RPS3: variants seen among roughly 807,000 people sequenced by gnomAD.
The protein encoded by RPS3 is ribosomal protein S3.
RPS3 carries 2 observed loss-of-function variants against 25.8 expected under a neutral mutation model. The ratio of observed to expected loss-of-function variants is 0.08; its 90% CI spans 0.03 to 0.24. RPS3 has a LOEUF of 0.24. Ranked by LOEUF, RPS3 falls within the 10% of genes least tolerant of loss-of-function variation. The pLI is 1.00. For synonymous variants in RPS3, 114 were observed against 114.2 expected (o/e 1.00, Z 0.01); for missense variants, 107 against 307.1 (o/e 0.35, Z 4.87).
In RPS3 at chr11:75,405,938, T is replaced by C. The variant is rs1948282368; in HGVS notation, c.*328T>C. The C allele has an allele frequency of 9.5e-6, 2 of 210,544 alleles. No homozygotes were observed. The highest frequency in any genetic ancestry group is 4.6e-5 in the African/African-American group (2 of 43,180). 13.0% of individuals were successfully genotyped at this position (210,544 alleles called of 1,614,324 possible). On this transcript the variant is annotated 3_prime_UTR_variant, in exon 7 of 7. Coordinates refer to ENST00000531188, the MANE Select transcript of RPS3 (RefSeq NM_001005.5). ...TAGAAGAGGGATATGTTTGAGTTTT[T>C]CCTATGCATAAGGCGATCCACGTTG...
chr11:75,417,633 G>A (rs1169669156), intron 6 of RPS3, among the ~76,000 whole-genome samples: 1 of 152,178 alleles, frequency 6.6e-6, no homozygotes, highest in South Asian at 2.1e-4. Context: ...CGGGCGTGGC[G>A]GCACATGCCT....
intron 6 of RPS3, among the ~76,000 whole-genome samples, chr11:75,415,475 A>G (rs1948387783): frequency 6.6e-6 from 1 of 152,032 alleles, no homozygotes; most frequent in Non-Finnish European, 1.5e-5. Context: ...AAGTTCGACA[A>G]CAGCCTGGCC....
chr11:75,415,975 CAA>C (rs34006322), intron 6 of RPS3, among the ~76,000 whole-genome samples: 10 of 54,838 alleles, frequency 1.8e-4, no homozygotes, highest in Admixed American at 2.0e-4. Flanking sequence ...GATACTCTGT[CAA>C]AAAAAAAAAA....
chr11:75,416,961 C>T (rs1373683574), intron 6 of RPS3, among the ~76,000 whole-genome samples: 1 of 152,138 alleles, frequency 6.6e-6, no homozygotes, highest in African/African-American at 2.4e-5. Context: ...CCTTATAACA[C>T]CCAGACTGGT....
downstream of RPS3, among the ~76,000 whole-genome samples, chr11:75,410,423 G>A (rs1425686349): frequency 6.6e-6 from 1 of 151,762 alleles, no homozygotes; most frequent in Non-Finnish European, 1.5e-5. Flanking sequence ...TCACTTCCTA[G>A]ATGGGATGGC....
chr11:75,401,669 G>A lies in RPS3; in HGVS notation c.191G>A (p.Arg64Gln), dbSNP rs757739842. The change falls in exon 3 of 7, where the codon CGG becomes CAG. Residue 64 changes from arginine (R) to glutamine (Q), a missense_variant. Transcript: ENST00000531188. ...RTQNVLGEKG[R>Q]RIRELTAVVQ... ...CAGAATGTTCTTGGTGAGAAGGGCC[G>A]GCGGATTCGGGAACTGACTGCTGTA... 5 of 1,613,348 alleles carry A rather than the reference G, an allele frequency of 3.1e-6. No homozygotes were observed. Among genetic ancestry groups the A allele is most frequent in the East Asian group, 2.2e-5 (1 of 44,886 alleles).
chr11:75,416,806 A>G (rs552149344), intron 6 of RPS3, among the ~76,000 whole-genome samples: 13 of 152,322 alleles, frequency 8.5e-5, no homozygotes, highest in African/African-American at 2.6e-4. Flanking sequence ...ATTTCAAAGT[A>G]GGGCCTGCCA....
intron 6 of RPS3, among the ~76,000 whole-genome samples, chr11:75,413,049 A>G (rs887748266): frequency 6.6e-6 from 1 of 152,234 alleles, no homozygotes; most frequent in African/African-American, 2.4e-5. Flanking sequence ...CTGGGGTTAC[A>G]GGCATGAGCC....
Position 75,404,252 on chromosome 11 carries a change from T to G in RPS3, c.538+45T>G, listed in dbSNP as rs1032311592. 1 of 1,566,136 alleles carries G rather than the reference T, an allele frequency of 6.4e-7. No individual in the cohort carries two copies. Among genetic ancestry groups the G allele is most frequent in the Non-Finnish European group, 8.7e-7 (1 of 1,144,044 alleles). On this transcript the variant is annotated intron_variant, in intron 5 of 6. Coordinates refer to ENST00000531188, the MANE Select transcript of RPS3 (RefSeq NM_001005.5). This position sits in a 1 kb window ranked among gnomAD's most constrained non-coding sequence, Gnocchi z 4.6. The stretch of plus-strand genomic sequence containing the variant: ...TGGCAAAGGGCATTTGTGGACAGAT[T>G]TGGTTTTCCACAGACATCTTAAGTA...
rs773847813 is a variant in RPS3, at chr11:75,400,705, T to A, written c.42T>A (p.Asp14Glu). The A allele has an allele frequency of 6.2e-7, 1 of 1,612,858 alleles. No individual in the cohort carries two copies. The highest frequency in any genetic ancestry group is 8.5e-7 in the Non-Finnish European group (1 of 1,179,176). The change falls in exon 2 of 7, where the codon GAT becomes GAA. Residue 14 changes from aspartate (D) to glutamate (E), a missense_variant. By Grantham distance (45) the Asp-to-Glu change is conservative. This residue lies in a region of RPS3 where 26 missense variants were observed against 20.4 expected (regional missense o/e 1.28). Coordinates refer to ENST00000531188, the MANE Select transcript of RPS3 (RefSeq NM_001005.5). ...TTTGTTTGGATTAGTTTGTCGCTGA[T>A]GGCATCTTCAAAGCTGAACTGAATG... ...QISKKRKFVA[D>E]GIFKAELNEF...
chr11:75,402,556 T>G, intron 4 of RPS3, 110 bp downstream of exon 4: 1 of 1,146,994 alleles, frequency 8.7e-7, no homozygotes, highest in Non-Finnish European at 1.2e-6. Flanking sequence ...GATCTGCTAG[T>G]CTCCCAGGGT....
downstream of RPS3, among the ~76,000 whole-genome samples, chr11:75,410,085 C>G (rs1385793905): frequency 1.2e-4 from 17 of 145,670 alleles, no homozygotes; most frequent in African/African-American, 3.9e-4. Flanking sequence ...CCCCCTCCCC[C>G]CTCCCGGACT....
chr11:75,414,585 T>C (rs1271857961), intron 6 of RPS3, among the ~76,000 whole-genome samples: 1 of 150,406 alleles, frequency 6.6e-6, no homozygotes, highest in Non-Finnish European at 1.5e-5. Flanking sequence ...CACTCCAGCC[T>C]GGGCGACAGA....
exon 7 of RPS3, chr11:75,422,151 T>G (rs1017443978): frequency 6.3e-6 from 1 of 158,770 alleles, no homozygotes; most frequent in Middle Eastern, 3.1e-3. Flanking sequence ...TTGGAGGGAG[T>G]TGCCTGGCCT....
At chr11:75,409,885 C>T (rs1948329070), downstream of RPS3, among the ~76,000 whole-genome samples, 1 of 144,332 alleles carries the variant, frequency 6.9e-6, no homozygotes, top group African/African-American at 2.6e-5. Context: ...CCAGTAGGGG[C>T]GGCCGGGCAG....
chr11:75,405,418 G>A, intron 6 of RPS3, 196 bp from the exon 7 acceptor site: 1 of 325,482 alleles, frequency 3.1e-6, no homozygotes. Context: ...TCAACACTTG[G>A]GGTTTTTTTG....
downstream of RPS3, among the ~76,000 whole-genome samples, chr11:75,411,242 C>T (rs1948353955): frequency 6.6e-6 from 1 of 151,956 alleles, no homozygotes; most frequent in Admixed American, 6.6e-5. Context: ...GAACTCTTGA[C>T]CTGAAATGAT....
At chr11:75,411,772 G>A (rs980940128), downstream of RPS3, among the ~76,000 whole-genome samples, 9 of 152,228 alleles carry the variant, frequency 5.9e-5, no homozygotes, top group Non-Finnish European at 1.5e-5. Flanking sequence ...CCAGGGCTGT[G>A]CCACAGGAGT....
chr11:75,419,291 T>A (rs1948425072), intron 6 of RPS3, among the ~76,000 whole-genome samples: 1 of 152,178 alleles, frequency 6.6e-6, no homozygotes, highest in Non-Finnish European at 1.5e-5. Context: ...TGGTGGCTCA[T>A]GCCTGTAATC....
Sources: allele counts gnomAD v4.1 joint callset (sites outside exome capture counted in the v4.1 genomes callset), GRCh38; gene constraint gnomAD v4.1.1; regional missense constraint gnomAD v4.1.1; non-coding constraint Gnocchi (gnomAD v3.1); transcripts MANE v1.5; gene names NCBI Gene and HGNC (gene_info 2026-07-23, HGNC 2026-07-21).